Variants in PCED1B observed in about 807,000 individuals in gnomAD.
PCED1B encodes the protein PC-esterase domain containing 1B, also known as PC-esterase domain-containing protein 1B.
For synonymous variants in PCED1B, 251 were observed against 246.1 expected (o/e 1.02, Z -0.19); for missense variants, 573 against 573.9 (o/e 1.00, Z 0.02).
chr12:47,139,831 T>C (rs987837754), intron 2 of PCED1B, among the ~76,000 whole-genome samples: 1 of 152,108 alleles, frequency 6.6e-6, no homozygotes, highest in Admixed American at 6.6e-5. Context: ...TATTTTTCTG[T>C]GCTTGGTGGA....
At chr12:47,127,208 C>T (rs1939922680) in intron 2 of PCED1B, among the ~76,000 whole-genome samples, 2 of 152,092 alleles carry the variant, frequency 1.3e-5, no homozygotes, top group Admixed American at 1.3e-4. Flanking sequence ...CATTTACATT[C>T]AGACTGAAAT....
At chr12:47,145,098 G>A (rs886298925) in intron 2 of PCED1B, among the ~76,000 whole-genome samples, 3 of 152,124 alleles carry the variant, frequency 2.0e-5, no homozygotes, top group East Asian at 1.9e-4. Context: ...ACATACAAAC[G>A]ATAAGAAAGC....
chr12:47,162,463 T>G (rs1312494146), intron 2 of PCED1B, among the ~76,000 whole-genome samples: 13 of 152,122 alleles, frequency 8.5e-5, no homozygotes, highest in Admixed American at 8.5e-4. Flanking sequence ...TTACTTTGCA[T>G]TTCTGTAAAG....
intron 1 of PCED1B, among the ~76,000 whole-genome samples, chr12:47,083,348 G>A (rs147957413): frequency 6.6e-5 from 10 of 152,000 alleles, no homozygotes; most frequent in East Asian, 1.9e-4. Flanking sequence ...TTTTTTCGGC[G>A]TGAGGCACAC....
At chr12:47,197,077 A>G (rs963856440) in intron 2 of PCED1B, among the ~76,000 whole-genome samples, 1 of 150,460 alleles carries the variant, frequency 6.6e-6, no homozygotes, top group Non-Finnish European at 1.5e-5. Flanking sequence ...CATCTCTACT[A>G]AAAATATAAA....
chr12:47,174,986 T>A (rs1454098979), intron 2 of PCED1B, among the ~76,000 whole-genome samples: 3 of 152,178 alleles, frequency 2.0e-5, no homozygotes, highest in Non-Finnish European at 4.4e-5. Flanking sequence ...TAATGCTGAG[T>A]ATTGTGACTT....
intron 2 of PCED1B, among the ~76,000 whole-genome samples, chr12:47,175,567 T>C (rs1402987650): frequency 6.6e-6 from 1 of 152,088 alleles, no homozygotes; most frequent in African/African-American, 2.4e-5. Context: ...TATGTATGTA[T>C]GTATGTATGT....
intron 2 of PCED1B, among the ~76,000 whole-genome samples, chr12:47,153,766 T>C (rs960091057): frequency 6.6e-6 from 1 of 152,240 alleles, no homozygotes; most frequent in Non-Finnish European, 1.5e-5. Flanking sequence ...AAATAATATG[T>C]ATGTCTCTGA....
Position 47,099,462 on chromosome 12 carries a change from T to TA in PCED1B, c.-608-4650dup, listed in dbSNP as rs1344404321. Among the ~76,000 whole-genome samples, 19 of 152,360 alleles carry TA rather than the reference T, an allele frequency of 1.2e-4. No individual in the cohort carries two copies. The South Asian group carries it at 3.7e-3, about 30-fold the overall frequency. ...GGGGATCGTCTCCACTGTGGTTTTA[T>TA]ACTCACTGCTCTCACACTAGCAGTG... On this transcript the variant is annotated intron_variant, in intron 1 of 3. Transcript: ENST00000546455.
intron 2 of PCED1B, among the ~76,000 whole-genome samples, chr12:47,140,969 A>G (rs1940567733): frequency 6.6e-6 from 1 of 152,176 alleles, no homozygotes; most frequent in Non-Finnish European, 1.5e-5. Flanking sequence ...TGGTACTTTC[A>G]GCTGACAGAC....
At chr12:47,187,061 G>A (rs539964981) in intron 2 of PCED1B, among the ~76,000 whole-genome samples, 5 of 152,316 alleles carry the variant, frequency 3.3e-5, no homozygotes, top group African/African-American at 1.2e-4. Flanking sequence ...TGGGGAGGTA[G>A]TGGGTAGTGC....
rs1395867503 is a variant in PCED1B at position 47,083,984 on chromosome 12, C to T, written c.-609+4259C>T. 5.3e-5 allele frequency among the ~76,000 whole-genome samples: 8 copies of T among 152,112 alleles called. No homozygotes were observed. In the South Asian group the frequency reaches 6.2e-4, roughly 12 times the overall value. ...TCACCATTGTAACAATTTTAAAGTG[C>T]GCAGTTCAGTGATTGTTTAATATAT... On this transcript the variant is annotated intron_variant, in intron 1 of 3. Coordinates refer to ENST00000546455, the MANE Select transcript of PCED1B (RefSeq NM_138371.3).
At chr12:47,154,473 A>G (rs1404150802) in intron 2 of PCED1B, among the ~76,000 whole-genome samples, 1 of 152,144 alleles carries the variant, frequency 6.6e-6, no homozygotes, top group East Asian at 1.9e-4. Context: ...AGTCCCTTTC[A>G]AAAACCTCAA....
chr12:47,217,529 G>A (rs1274233811), intron 3 of PCED1B, among the ~76,000 whole-genome samples: 1 of 99,276 alleles, frequency 1.0e-5, no homozygotes, highest in Admixed American at 9.0e-5. Flanking sequence ...GAAAGAGAAA[G>A]AGAGAAAAGA....
At chr12:47,221,500 T>C (rs1943476965) in intron 3 of PCED1B, among the ~76,000 whole-genome samples, 2 of 152,068 alleles carry the variant, frequency 1.3e-5, no homozygotes, top group African/African-American at 4.8e-5. Flanking sequence ...TTTTAAATGA[T>C]TGCCAGGATA....
At chr12:47,215,342 C>T (rs1017138425) in intron 2 of PCED1B, among the ~76,000 whole-genome samples, 1 of 151,502 alleles carries the variant, frequency 6.6e-6, no homozygotes, top group Non-Finnish European at 1.5e-5. Flanking sequence ...CAACCTCCGC[C>T]TCCTGGGTTC....
chr12:47,080,562 CG>C (rs971566879), intron 1 of PCED1B, among the ~76,000 whole-genome samples: 26 of 152,070 alleles, frequency 1.7e-4, no homozygotes, highest in African/African-American at 5.8e-4. Context: ...AGGAAGTAAC[CG>C]GGAAATCGCC....
At chr12:47,100,330 A>G (rs1938648407) in intron 1 of PCED1B, among the ~76,000 whole-genome samples, 1 of 152,214 alleles carries the variant, frequency 6.6e-6, no homozygotes, top group African/African-American at 2.4e-5. Flanking sequence ...TATTTTCTAA[A>G]CATTCCAATT....
chr12:47,186,388 C>T (rs984706468), intron 2 of PCED1B, among the ~76,000 whole-genome samples: 3 of 151,736 alleles, frequency 2.0e-5, no homozygotes, highest in Non-Finnish European at 2.9e-5. Flanking sequence ...CTAGTTAATA[C>T]GTTTTGTTTT....
Sources: allele counts gnomAD v4.1 joint callset (sites outside exome capture counted in the v4.1 genomes callset), GRCh38; gene constraint gnomAD v4.1.1; transcripts MANE v1.5; gene names NCBI Gene and HGNC (gene_info 2026-07-23, HGNC 2026-07-21).